Variants in OR2L13 observed in about 807,000 individuals in gnomAD.
OR2L13 encodes the protein olfactory receptor 2L13.
OR2L13 carries 14 observed loss-of-function variants against 15.3 expected under a neutral mutation model. That is an observed-to-expected ratio of 0.91 (90% CI 0.60 to 1.43). OR2L13 has a LOEUF of 1.43. OR2L13 is among the 40% of genes most tolerant of loss of function. OR2L13 has a pLI of 0.00. For missense variants in OR2L13, 367 were observed against 387.9 expected (o/e 0.95, Z 0.45); for synonymous variants, 152 against 142.9 (o/e 1.06, Z -0.45).
the OR2L13 span, among the ~76,000 whole-genome samples, chr1:248,064,119 G>A: frequency 6.6e-6 from 1 of 152,212 alleles, no homozygotes; most frequent in Admixed American, 6.5e-5. Context: ...ATAGTGGTGG[G>A]ATTGTGAGAT....
chr1:248,084,709 A>G, the OR2L13 span: 1 of 1,448,472 alleles, frequency 6.9e-7, no homozygotes, highest in South Asian at 1.4e-5. Flanking sequence ...CACAAATGTC[A>G]TGGTTTGAAT....
chr1:248,044,727 C>A, the OR2L13 span, among the ~76,000 whole-genome samples: 1 of 110,246 alleles, frequency 9.1e-6, no homozygotes, highest in African/African-American at 6.4e-5. Context: ...GGCGTGAACC[C>A]GGGAAGCGGA....
chr1:248,001,005 T>G, the OR2L13 span, among the ~76,000 whole-genome samples: 4 of 152,126 alleles, frequency 2.6e-5, no homozygotes, highest in African/African-American at 7.2e-5. Flanking sequence ...CTGCCAAAAA[T>G]TTTTGAGGGA....
At chr1:248,041,647 T>C in the OR2L13 span, 1 of 151,900 alleles carries the variant, frequency 6.6e-6, no homozygotes, top group Non-Finnish European at 1.5e-5. Flanking sequence ...TACAATGAAC[T>C]CAAACAAACT....
At chr1:247,996,378 C>T in the OR2L13 span, among the ~76,000 whole-genome samples, 1 of 152,170 alleles carries the variant, frequency 6.6e-6, no homozygotes, top group Non-Finnish European at 1.5e-5. Flanking sequence ...ATTTAAAGAT[C>T]CATGTGATTT....
chr1:248,055,048 C>A, the OR2L13 span, among the ~76,000 whole-genome samples: 1 of 152,120 alleles, frequency 6.6e-6, no homozygotes, highest in Non-Finnish European at 1.5e-5. Context: ...CAGTTTTTGC[C>A]CATTCAGTAC....
At chr1:247,973,972 G>A in the OR2L13 span, among the ~76,000 whole-genome samples, 1 of 152,146 alleles carries the variant, frequency 6.6e-6, no homozygotes, top group African/African-American at 2.4e-5. Flanking sequence ...TAAAGACACA[G>A]ACACACGTAT....
chr1:247,996,021 C>T, the OR2L13 span, among the ~76,000 whole-genome samples: 3 of 152,200 alleles, frequency 2.0e-5, no homozygotes, highest in Non-Finnish European at 4.4e-5. Flanking sequence ...CATGTTAGCT[C>T]ATCACTCATC....
chr1:248,077,056 T>C, the OR2L13 span, among the ~76,000 whole-genome samples: 3 of 152,192 alleles, frequency 2.0e-5, no homozygotes, highest in African/African-American at 4.8e-5. Context: ...CATGAAGCAC[T>C]GTTGAATTTT....
chr1:248,000,239 C>A, the OR2L13 span, among the ~76,000 whole-genome samples: 1 of 151,626 alleles, frequency 6.6e-6, no homozygotes, highest in East Asian at 1.9e-4. Context: ...TTGATCAAAG[C>A]TGAGGAAAGT....
chr1:248,021,403 A>G, the OR2L13 span, among the ~76,000 whole-genome samples: 1 of 152,218 alleles, frequency 6.6e-6, no homozygotes, highest in Non-Finnish European at 1.5e-5. Flanking sequence ...TTCTATAAGT[A>G]GTCCCCTCTT....
the OR2L13 span, among the ~76,000 whole-genome samples, chr1:248,048,185 C>T: frequency 6.6e-6 from 1 of 152,146 alleles, no homozygotes; most frequent in Non-Finnish European, 1.5e-5. Context: ...GATGCACCAT[C>T]GTGGACCTCA....
the OR2L13 span, among the ~76,000 whole-genome samples, chr1:247,952,216 A>C: frequency 1.3e-5 from 2 of 152,214 alleles, no homozygotes; most frequent in South Asian, 2.1e-4. Context: ...AACCCTGTGC[A>C]TATGCCCGTG....
the OR2L13 span, among the ~76,000 whole-genome samples, chr1:247,959,940 C>T: frequency 3.7e-4 from 17 of 45,604 alleles, no homozygotes; most frequent in African/African-American, 4.5e-4. Flanking sequence ...CTTCTCTCAA[C>T]TCGTCAGTCA....
chr1:248,022,762 T>C, the OR2L13 span: 1 of 1,614,044 alleles, frequency 6.2e-7, no homozygotes, highest in Non-Finnish European at 8.5e-7. Flanking sequence ...GAGGACAAGG[T>C]TCTGGCTGTT....
chr1:247,965,719 C>G, the OR2L13 span: 1 of 1,556,318 alleles, frequency 6.4e-7, no homozygotes, highest in Admixed American at 2.0e-5. Flanking sequence ...AGCCCTTCTC[C>G]TTGGTTTTAT....
chr1:248,019,187 T>G, the OR2L13 span, among the ~76,000 whole-genome samples: 1 of 152,300 alleles, frequency 6.6e-6, no homozygotes, highest in African/African-American at 2.4e-5. Context: ...TCTGTTTAAT[T>G]TTTGAAGAAA....
the OR2L13 span, among the ~76,000 whole-genome samples, chr1:247,981,230 T>C: frequency 2.0e-5 from 3 of 152,184 alleles, no homozygotes; most frequent in Admixed American, 6.5e-5. Context: ...GTCAAATTAA[T>C]GAATCCACAT....
At chr1:248,084,478 T>G in the OR2L13 span, 5 of 1,612,736 alleles carry the variant, frequency 3.1e-6, no homozygotes, top group Non-Finnish European at 3.4e-6. Flanking sequence ...CATGAGGGAA[T>G]TGCCAAACAG....
Sources: allele counts gnomAD v4.1 joint callset (sites outside exome capture counted in the v4.1 genomes callset), GRCh38; gene constraint gnomAD v4.1.1; transcripts MANE v1.5; gene names NCBI Gene and HGNC (gene_info 2026-07-23, HGNC 2026-07-21).